The following PNLIPRP3 variants were observed in gnomAD, a reference collection of about 807,000 sequenced individuals.
PNLIPRP3 encodes the protein pancreatic lipase-related protein 3.
PNLIPRP3 carries 58 observed loss-of-function variants against 52.8 expected under a neutral mutation model. The observed-to-expected ratio is 1.10, with a 90% CI of 0.89 to 1.37. The LOEUF is 1.37. Ranked by LOEUF, PNLIPRP3 falls within the 40% of genes most tolerant of loss-of-function variation. The pLI is 0.00. For synonymous variants in PNLIPRP3, 192 were observed against 185.0 expected, an observed-to-expected ratio of 1.04 and a Z score of -0.31; for missense variants, 593 against 561.6, an observed-to-expected ratio of 1.06 and a Z score of -0.57.
At chr10:116,468,259 C>T (rs1179762064) in intron 8 of PNLIPRP3, among the ~76,000 whole-genome samples, 1 of 151,740 alleles carries the variant, frequency 6.6e-6, no homozygotes, top group Non-Finnish European at 1.5e-5. Flanking sequence ...ACATGCATTT[C>T]CTTCTTTATT....
At position 116,445,386 on chromosome 10, in the gene PNLIPRP3, T is replaced by C. The variant is rs542959910; in HGVS notation, c.456+873T>C. On this transcript the variant is annotated intron_variant, in intron 4 of 11. Coordinates refer to ENST00000369230, the MANE Select transcript of PNLIPRP3 (RefSeq NM_001011709.3). ...AACCAGGTTAGGTGATATTTGAACATTGACCACTGTCAGTAAACATCCTGA... is the reference window on the plus strand; with the variant it reads ...AACCAGGTTAGGTGATATTTGAACACTGACCACTGTCAGTAAACATCCTGA... Among the ~76,000 whole-genome samples, 83 of 152,326 alleles carry C rather than the reference T, an allele frequency of 5.4e-4. 1 individual carries two copies. Among genetic ancestry groups the C allele is most frequent in the African/African-American group, 1.9e-3 (77 of 41,584 alleles).
At chr10:116,456,642 A>G (rs1846118409) in intron 5 of PNLIPRP3, among the ~76,000 whole-genome samples, 1 of 152,228 alleles carries the variant, frequency 6.6e-6, no homozygotes. Flanking sequence ...TATAGCATGA[A>G]TTGGGTTTGG....
intron 8 of PNLIPRP3, among the ~76,000 whole-genome samples, chr10:116,468,887 G>A (rs1279620049): frequency 6.6e-6 from 1 of 152,152 alleles, no homozygotes; most frequent in African/African-American, 2.4e-5. Flanking sequence ...ATTAACATAT[G>A]CTTGACAACT....
At chr10:116,476,966 C>T in intron 11 of PNLIPRP3, 124 bp from the exon 12 acceptor site, 2 of 1,163,252 alleles carry the variant, frequency 1.7e-6, no homozygotes, top group African/African-American at 3.1e-5. Flanking sequence ...GTTAAGAAAC[C>T]AATGCTATAT....
chr10:116,443,095 AT>A lies in PNLIPRP3; in HGVS notation c.249del (p.Phe83LeufsTer11). The A allele has an allele frequency of 6.2e-7, 1 of 1,609,042 alleles. No individual in the cohort carries two copies. Among genetic ancestry groups the A allele is most frequent in the Non-Finnish European group, 8.5e-7 (1 of 1,176,266 alleles). On this transcript the variant is annotated frameshift_variant, in exon 3 of 12. Coordinates refer to ENST00000369230, the MANE Select transcript of PNLIPRP3 (RefSeq NM_001011709.3). LOFTEE classifies it high-confidence loss of function. ...AVNSSTIQAS[Y>X]FGTDKITRIN... ...AATTCTTCAACTATCCAAGCCTCAT[AT>A]TTTGGAACAGACAAGATCACCCGTA...
intron 2 of PNLIPRP3, among the ~76,000 whole-genome samples, chr10:116,438,363 T>C (rs1277966662): frequency 2.6e-5 from 4 of 152,186 alleles, no homozygotes; most frequent in Non-Finnish European, 5.9e-5. Context: ...CCTGAATCTG[T>C]AACCTCAGGG....
At chr10:116,460,010 C>T (rs1298334111) in intron 5 of PNLIPRP3, among the ~76,000 whole-genome samples, 1 of 152,158 alleles carries the variant, frequency 6.6e-6, no homozygotes, top group African/African-American at 2.4e-5. Context: ...TCGTGATCCA[C>T]CCGCCTCGGC....
intron 7 of PNLIPRP3, 79 bp downstream of exon 7, chr10:116,461,369 G>A: frequency 1.3e-6 from 2 of 1,483,088 alleles, no homozygotes; most frequent in Non-Finnish European, 1.9e-6. Flanking sequence ...ACCTACTTTT[G>A]TGTATAATAT....
intron 10 of PNLIPRP3, 89 bp downstream of exon 10, chr10:116,471,968 T>C: frequency 1.4e-6 from 1 of 731,334 alleles, no homozygotes; most frequent in Non-Finnish European, 2.2e-6. Context: ...TTTAGTCTTC[T>C]CTTTTCCTAC....
chr10:116,455,792 A>T lies in PNLIPRP3; in HGVS notation c.527A>T (p.Glu176Val). Residue 176 changes from glutamate (E) to valine (V), a missense_variant, in exon 5 of 12, where the codon GAA becomes GTA. Coordinates refer to ENST00000369230, the MANE Select transcript of PNLIPRP3 (RefSeq NM_001011709.3). ...AGCTTGGGAGCACACCTGGCTGGGG[A>T]AGCTGGGTCAAGGATACCAGGCCTT... ...GHSLGAHLAGEAGSRIPGLGR... is the reference protein window; with the variant it reads ...GHSLGAHLAGVAGSRIPGLGR... 6.2e-7 allele frequency: 1 copy of T among 1,613,592 alleles called. No individual in the cohort carries two copies. The highest frequency in any genetic ancestry group is 1.1e-5 in the South Asian group (1 of 91,070).
At chr10:116,438,488 A>C (rs1845809385) in intron 2 of PNLIPRP3, among the ~76,000 whole-genome samples, 1 of 152,206 alleles carries the variant, frequency 6.6e-6, no homozygotes, top group South Asian at 2.1e-4. Context: ...TACTCACCAG[A>C]CACACATACA....
At chr10:116,434,676 A>G (rs569143248) in intron 1 of PNLIPRP3, among the ~76,000 whole-genome samples, 1 of 152,200 alleles carries the variant, frequency 6.6e-6, no homozygotes, top group Non-Finnish European at 1.5e-5. Context: ...TTTAAAATCC[A>G]TAGACTGAAT....
Position 116,436,745 on chromosome 10 carries a change from C to T in PNLIPRP3, c.84C>T (p.Phe28=). The change falls in exon 2 of 12, where the codon TTC becomes TTT. Residue 28 remains phenylalanine, a synonymous_variant. Coordinates refer to ENST00000369230, the MANE Select transcript of PNLIPRP3 (RefSeq NM_001011709.3). ...TTTGCTATGAAAGGTTAGGGTGTTT[C>T]AAAGATGGTTTACCATGGACCAGGA... ...KEVCYERLGC[F]KDGLPWTRTF... is the part of the protein sequence containing the mutation. The T allele has an allele frequency of 1.2e-6, 2 of 1,613,044 alleles. No individual in the cohort carries two copies. The highest frequency in any genetic ancestry group is 1.3e-5 in the African/African-American group (1 of 74,996).
At position 116,471,713 on chromosome 10, in the gene PNLIPRP3, T is replaced by A. The variant is rs1589991914; in HGVS notation, c.1061-55T>A. 5.3e-6 allele frequency: 7 copies of A among 1,332,678 alleles called. No individual in the cohort carries two copies. The East Asian group carries it at 9.2e-5, about 18-fold the overall frequency. 82.6% of individuals were successfully genotyped at this position (1,332,678 alleles called of 1,614,324 possible). ...ATTAAAGGATCCAGGAAGTCATACTTCCCATGTGTTTTTAACCCTTTCTCT... is the reference window on the plus strand; with the variant it reads ...ATTAAAGGATCCAGGAAGTCATACTACCCATGTGTTTTTAACCCTTTCTCT... On this transcript the variant is annotated intron_variant, in intron 9 of 11. Coordinates refer to ENST00000369230, the MANE Select transcript of PNLIPRP3 (RefSeq NM_001011709.3).
intron 2 of PNLIPRP3, chr10:116,440,150 G>C: frequency 3.3e-6 from 2 of 600,466 alleles, no homozygotes; most frequent in Non-Finnish European, 5.9e-6. Flanking sequence ...AGGATGTTCA[G>C]GGCATATTTA....
At chr10:116,468,003 T>C (rs1286423800) in intron 8 of PNLIPRP3, among the ~76,000 whole-genome samples, 1 of 151,500 alleles carries the variant, frequency 6.6e-6, no homozygotes, top group Non-Finnish European at 1.5e-5. Context: ...CGGGTGCCTG[T>C]AGTCCTAGCT....
At chr10:116,454,886 C>A (rs1046740081) in intron 4 of PNLIPRP3, among the ~76,000 whole-genome samples, 1 of 152,188 alleles carries the variant, frequency 6.6e-6, no homozygotes. Flanking sequence ...GATTTTGATA[C>A]CTTTGCATAT....
chr10:116,438,817 A>G (rs1845816217), intron 2 of PNLIPRP3, among the ~76,000 whole-genome samples: 3 of 152,308 alleles, frequency 2.0e-5, no homozygotes, highest in East Asian at 1.9e-4. Flanking sequence ...AGTTCTTACT[A>G]TGGGTATAGA....
At chr10:116,473,696 A>C (rs1005638557) in intron 10 of PNLIPRP3, among the ~76,000 whole-genome samples, 1 of 151,790 alleles carries the variant, frequency 6.6e-6, no homozygotes, top group African/African-American at 2.4e-5. Context: ...TAATTTTTGT[A>C]TTTTTAGTAG....
Sources: gnomAD v4.1 joint callset for allele counts (sites outside exome capture counted in the v4.1 genomes callset) on GRCh38, gnomAD v4.1.1 for gene constraint, MANE v1.5 for transcripts, NCBI Gene and HGNC (gene_info 2026-07-23, HGNC 2026-07-21) for gene names.